The following XKR4 variants were observed in gnomAD, a reference collection of about 807,000 sequenced individuals.
XKR4 encodes XK related 4.
Under a neutral mutation model 53.9 loss-of-function variants are expected in XKR4, and 12 were observed. The ratio of observed to expected loss-of-function variants is 0.22; its 90% CI spans 0.14 to 0.36. The LOEUF (loss-of-function observed/expected upper bound fraction) is 0.36, where lower values mean the gene tolerates loss of function less well. Ranked by LOEUF, XKR4 falls within the 10% of genes least tolerant of loss-of-function variation. The pLI, the probability that XKR4 is intolerant of heterozygous loss-of-function variation, is 1.00. For missense variants in XKR4, 799 were observed against 859.5 expected (o/e 0.93, Z 0.88); for synonymous variants, 354 against 362.4 (o/e 0.98, Z 0.26).
chr8:55,252,604 T>C (rs1818376868), intron 1 of XKR4, among the ~76,000 whole-genome samples: 1 of 152,228 alleles, frequency 6.6e-6, no homozygotes, highest in African/African-American at 2.4e-5. Flanking sequence ...TCAGTCCACA[T>C]TCTTATGCAT....
In XKR4 at chr8:55,523,900, C is replaced by A; in HGVS notation, c.1626C>A (p.Ala542=). 1.9e-6 allele frequency: 3 copies of A among 1,614,212 alleles called. No individual in the cohort carries two copies. The South Asian group carries it at 3.3e-5, about 18-fold the overall frequency. Residue 542 remains alanine (A), a synonymous_variant, in exon 3 of 3, where the codon GCC becomes GCA. Coordinates refer to ENST00000327381, the MANE Select transcript of XKR4 (RefSeq NM_052898.2). ...CCTTCACTTTGCCCCCAGACGTGGC[C>A]ACAAGCACCCTACGGTCCATCTCCA... ...AAAFTLPPDV[A]TSTLRSISNN...
chr8:55,423,804 A>G (rs1407598120), intron 2 of XKR4, among the ~76,000 whole-genome samples: 1 of 152,220 alleles, frequency 6.6e-6, no homozygotes. Context: ...TTTCTATTGC[A>G]AGACAGATCT....
intron 1 of XKR4, among the ~76,000 whole-genome samples, chr8:55,203,994 T>C (rs1453155426): frequency 1.3e-5 from 2 of 152,082 alleles, no homozygotes; most frequent in South Asian, 4.1e-4. Context: ...GTTTTGGGTG[T>C]TTGTTTTGCT....
chr8:55,143,119 G>C (rs902219600), intron 1 of XKR4, among the ~76,000 whole-genome samples: 1 of 152,158 alleles, frequency 6.6e-6, no homozygotes, highest in African/African-American at 2.4e-5. Context: ...TCTCATTGCT[G>C]TGTAGTATTC....
chr8:55,256,449 A>G (rs938603224), intron 1 of XKR4, among the ~76,000 whole-genome samples: 3 of 152,380 alleles, frequency 2.0e-5, no homozygotes, highest in Non-Finnish European at 4.4e-5. Flanking sequence ...GGAAACTGGA[A>G]ACCAAGGCAT....
At chr8:55,313,306 G>T (rs1259947410) in intron 1 of XKR4, among the ~76,000 whole-genome samples, 2 of 152,190 alleles carry the variant, frequency 1.3e-5, no homozygotes, top group Non-Finnish European at 2.9e-5. Context: ...ACATTGATTT[G>T]TACAAGCTTC....
intron 2 of XKR4, among the ~76,000 whole-genome samples, chr8:55,512,294 G>A (rs777945659): frequency 3.9e-5 from 6 of 152,182 alleles, no homozygotes; most frequent in Non-Finnish European, 8.8e-5. Flanking sequence ...CTTGCCACGT[G>A]GCTGCCAAAG....
intron 2 of XKR4, among the ~76,000 whole-genome samples, chr8:55,419,168 T>C (rs1804891276): frequency 6.6e-6 from 1 of 152,126 alleles, no homozygotes. Flanking sequence ...GTGGATCACC[T>C]GAGGTCAGGA....
intron 1 of XKR4, among the ~76,000 whole-genome samples, chr8:55,332,718 G>A (rs1209972044): frequency 6.6e-6 from 1 of 151,984 alleles, no homozygotes; most frequent in African/African-American, 2.4e-5. Context: ...GTTTATCATA[G>A]TTGGAGTTCA....
chr8:55,319,419 CTT>C (rs1234752354), intron 1 of XKR4, among the ~76,000 whole-genome samples: 1 of 152,172 alleles, frequency 6.6e-6, no homozygotes, highest in Non-Finnish European at 1.5e-5. Context: ...ATATGTCACT[CTT>C]TTGATGCACA....
intron 1 of XKR4, among the ~76,000 whole-genome samples, chr8:55,200,690 C>A (rs193277420): frequency 1.3e-5 from 2 of 152,140 alleles, no homozygotes; most frequent in Non-Finnish European, 2.9e-5. Context: ...GTGATTTTTA[C>A]TGTTACAAAA....
At chr8:55,216,268 G>A (rs1365227479) in intron 1 of XKR4, among the ~76,000 whole-genome samples, 1 of 152,084 alleles carries the variant, frequency 6.6e-6, no homozygotes, top group Non-Finnish European at 1.5e-5. Context: ...AAGGGAAATG[G>A]GGGCAAAAAA....
intron 1 of XKR4, among the ~76,000 whole-genome samples, chr8:55,162,323 A>G (rs1816996627): frequency 6.6e-6 from 1 of 152,210 alleles, no homozygotes; most frequent in Non-Finnish European, 1.5e-5. Context: ...TGTGCAGAGT[A>G]GCAGCAATAA....
chr8:55,515,643 T>C (rs1806701597), intron 2 of XKR4, among the ~76,000 whole-genome samples: 1 of 152,236 alleles, frequency 6.6e-6, no homozygotes, highest in Admixed American at 6.5e-5. Flanking sequence ...AGGCCTCTTT[T>C]AGATCAGAAA....
At chr8:55,492,407 T>C (rs1806284520) in intron 2 of XKR4, among the ~76,000 whole-genome samples, 1 of 152,256 alleles carries the variant, frequency 6.6e-6, no homozygotes, top group Admixed American at 6.5e-5. Flanking sequence ...GCCATGATTT[T>C]ATTTCTCTTA....
At chr8:55,180,965 T>C (rs1373806642) in intron 1 of XKR4, among the ~76,000 whole-genome samples, 1 of 152,204 alleles carries the variant, frequency 6.6e-6, no homozygotes, top group East Asian at 1.9e-4. Context: ...ATGAGTAGTA[T>C]GAATGAATGA....
rs1806894476 is a variant in XKR4 at position 55,527,457 on chromosome 8, TAAACTTGCATTTCTAAATATGA to T, written c.*3233_*3254del. 1 of 152,244 alleles carries T rather than the reference TAAACTTGCATTTCTAAATATGA, an allele frequency of 6.6e-6. No individual in the cohort carries two copies. The highest frequency in any genetic ancestry group is 2.4e-5 in the African/African-American group (1 of 41,468). 9.4% of individuals were successfully genotyped at this position (152,244 alleles called of 1,614,324 possible). ...ACAACATTGTAATTTGTTTTACTTT[TAAACTTGCATTTCTAAATATGA>T]AACCATGTTTAATGAATATATATAA... On this transcript the variant is annotated 3_prime_UTR_variant, in exon 3 of 3. Coordinates refer to ENST00000327381, the MANE Select transcript of XKR4 (RefSeq NM_052898.2).
intron 1 of XKR4, among the ~76,000 whole-genome samples, chr8:55,248,147 G>A (rs924638723): frequency 2.6e-5 from 4 of 151,952 alleles, no homozygotes; most frequent in Non-Finnish European, 4.4e-5. Context: ...GAGCCACCAT[G>A]CCCAGCCTAT....
intron 1 of XKR4, among the ~76,000 whole-genome samples, chr8:55,268,477 A>G (rs908878209): frequency 4.3e-4 from 65 of 152,198 alleles, no homozygotes; most frequent in African/African-American, 1.5e-3. Flanking sequence ...AGTCTCGTGT[A>G]TTTTAATACA....
Sources: gnomAD v4.1 joint callset for allele counts (sites outside exome capture counted in the v4.1 genomes callset) on GRCh38, gnomAD v4.1.1 for gene constraint, MANE v1.5 for transcripts, NCBI Gene and HGNC (gene_info 2026-07-23, HGNC 2026-07-21) for gene names.